Variants in CAMTA1 observed in about 807,000 individuals in gnomAD.
The protein encoded by CAMTA1 is calmodulin-binding transcription activator 1.
In CAMTA1, 27 loss-of-function variants were observed where a neutral mutation model predicts 170.9. The observed-to-expected ratio is 0.16, with a 90% CI of 0.12 to 0.22. CAMTA1 has a LOEUF of 0.22. Ranked by LOEUF, CAMTA1 falls within the 10% of genes least tolerant of loss-of-function variation. CAMTA1 has a pLI of 1.00. For missense variants in CAMTA1, 1,619 were observed against 2,217.2 expected (o/e 0.73, Z 5.42); for synonymous variants, 833 against 891.5 (o/e 0.93, Z 1.17).
intron 6 of CAMTA1, among the ~76,000 whole-genome samples, chr1:7,490,152 C>A (rs1366540143): frequency 6.6e-6 from 1 of 152,190 alleles, no homozygotes; most frequent in African/African-American, 2.4e-5. Context: ...AGCTCTTCTC[C>A]CCACATCCAG....
chr1:7,194,979 C>T (rs546749240), intron 4 of CAMTA1, among the ~76,000 whole-genome samples: 49 of 152,304 alleles, frequency 3.2e-4, no homozygotes, highest in Non-Finnish European at 5.9e-4. Flanking sequence ...ATAAACAGTA[C>T]GTGGAGCATC....
At chr1:7,347,172 G>T (rs534388327) in intron 5 of CAMTA1, among the ~76,000 whole-genome samples, 1 of 152,296 alleles carries the variant, frequency 6.6e-6, no homozygotes, top group African/African-American at 2.4e-5. Context: ...GGAGAGCGGC[G>T]GATGGTTCTC....
intron 6 of CAMTA1, among the ~76,000 whole-genome samples, chr1:7,493,714 C>A (rs536609553): frequency 1.3e-5 from 2 of 152,104 alleles, no homozygotes; most frequent in Non-Finnish European, 2.9e-5. Flanking sequence ...ACTCAGGGCA[C>A]CTTCTCGAGG....
intron 5 of CAMTA1, among the ~76,000 whole-genome samples, chr1:7,337,299 G>C (rs1399370560): frequency 6.6e-6 from 1 of 152,230 alleles, no homozygotes; most frequent in African/African-American, 2.4e-5. Context: ...GCGAGGTTAG[G>C]AGAGGGCGTG....
chr1:7,704,698 C>T (rs1239585612), intron 11 of CAMTA1, among the ~76,000 whole-genome samples: 1 of 148,220 alleles, frequency 6.7e-6, no homozygotes, highest in Admixed American at 6.7e-5. Context: ...GCCATTGGTC[C>T]GGGCGGCGCA....
At chr1:7,594,757 A>G (rs974247993) in intron 6 of CAMTA1, among the ~76,000 whole-genome samples, 2 of 152,238 alleles carry the variant, frequency 1.3e-5, no homozygotes, top group African/African-American at 4.8e-5. Context: ...ACTTCAGAGC[A>G]ACACATGGAT....
chr1:7,745,534 G>GA (rs966946039), intron 17 of CAMTA1, among the ~76,000 whole-genome samples: 1 of 151,530 alleles, frequency 6.6e-6, no homozygotes, highest in South Asian at 2.1e-4. Context: ...TCAAAAAAAA[G>GA]AAAAAAAAGA....
intron 10 of CAMTA1, 119 bp from the exon 11 acceptor site, chr1:7,677,480 G>A: frequency 8.7e-7 from 1 of 1,154,398 alleles, no homozygotes; most frequent in South Asian, 1.5e-5. Flanking sequence ...TACCATTAAG[G>A]AGAGCTGGAC....
intron 3 of CAMTA1, among the ~76,000 whole-genome samples, chr1:6,920,775 G>T (rs2149320850): frequency 6.6e-6 from 1 of 152,346 alleles, no homozygotes; most frequent in African/African-American, 2.4e-5. Flanking sequence ...ACCCTCTGAA[G>T]CAACAGCCTG....
chr1:7,511,773 G>C (rs2094204785), intron 6 of CAMTA1, among the ~76,000 whole-genome samples: 1 of 152,188 alleles, frequency 6.6e-6, no homozygotes, highest in Non-Finnish European at 1.5e-5. Context: ...CGTGGCTGGG[G>C]CTCCTGGGCA....
intron 3 of CAMTA1, among the ~76,000 whole-genome samples, chr1:6,973,170 G>C (rs952861997): frequency 1.3e-5 from 2 of 152,200 alleles, no homozygotes; most frequent in Non-Finnish European, 2.9e-5. Context: ...AGATTTTTAA[G>C]TGTACAACAT....
chr1:7,140,256 A>G (rs542476492), intron 4 of CAMTA1, among the ~76,000 whole-genome samples: 4 of 152,304 alleles, frequency 2.6e-5, no homozygotes, highest in South Asian at 2.1e-4. Flanking sequence ...TTGTCTTCCT[A>G]TAGAGACTGG....
intron 6 of CAMTA1, among the ~76,000 whole-genome samples, chr1:7,613,283 C>CA (rs1480934232): frequency 6.6e-6 from 1 of 152,196 alleles, no homozygotes; most frequent in East Asian, 1.9e-4. Flanking sequence ...ACCTGCCTTT[C>CA]ATCTGCTTAC....
chr1:7,409,282 G>A (rs1377000663), intron 5 of CAMTA1, among the ~76,000 whole-genome samples: 2 of 152,212 alleles, frequency 1.3e-5, no homozygotes, highest in African/African-American at 2.4e-5. Flanking sequence ...CTGATTGTCC[G>A]AATACTTCTT....
At chr1:7,703,023 A>C (rs898027308) in intron 11 of CAMTA1, among the ~76,000 whole-genome samples, 1 of 152,194 alleles carries the variant, frequency 6.6e-6, no homozygotes, top group Non-Finnish European at 1.5e-5. Context: ...GCCCACTCTG[A>C]ACCCAGGGGG....
chr1:6,954,143 C>G (rs1689031291), intron 3 of CAMTA1, among the ~76,000 whole-genome samples: 1 of 152,214 alleles, frequency 6.6e-6, no homozygotes, highest in African/African-American at 2.4e-5. Context: ...TGCCAGCCAG[C>G]CAGCCAGCCA....
chr1:7,434,424 C>T (rs528637584), intron 5 of CAMTA1, among the ~76,000 whole-genome samples: 15 of 150,868 alleles, frequency 9.9e-5, no homozygotes, highest in Non-Finnish European at 1.3e-4. Context: ...GATGGGTTGG[C>T]CACCCCTGGG....
At chr1:7,567,367 C>G (rs965321513) in intron 6 of CAMTA1, among the ~76,000 whole-genome samples, 2 of 152,200 alleles carry the variant, frequency 1.3e-5, no homozygotes, top group East Asian at 3.8e-4. Context: ...CCTCCACACT[C>G]GACATGCAAT....
intron 3 of CAMTA1, among the ~76,000 whole-genome samples, chr1:6,842,128 T>C (rs1321300207): frequency 6.6e-6 from 1 of 152,218 alleles, no homozygotes; most frequent in East Asian, 1.9e-4. Flanking sequence ...TAGGCCTGCC[T>C]CCATTTCTTT....
Sources: gnomAD v4.1 joint callset for allele counts (sites outside exome capture counted in the v4.1 genomes callset) on GRCh38, gnomAD v4.1.1 for gene constraint, MANE v1.5 for transcripts, NCBI Gene and HGNC (gene_info 2026-07-23, HGNC 2026-07-21) for gene names.